The following XKR7 variants were observed in gnomAD, a reference collection of about 807,000 sequenced individuals.
XKR7 encodes XK-related protein 7.
XKR7 carries 11 observed loss-of-function variants against 42.2 expected under a neutral mutation model. That is an observed-to-expected ratio of 0.26 (90% confidence interval 0.16 to 0.43). The LOEUF is 0.43. Ranked by LOEUF, XKR7 falls within the 20% of genes least tolerant of loss-of-function variation. XKR7 has a pLI of 1.00. For missense variants in XKR7, 710 were observed against 802.2 expected (o/e 0.89, Z 1.39); for synonymous variants, 346 against 366.4 (o/e 0.94, Z 0.64).
At position 32,002,380 on chromosome 20, in the gene XKR7, G is replaced by A. The variant is rs1243234366; in HGVS notation, c.*4923G>A. 6.6e-6 allele frequency: 1 copy of A among 152,070 alleles called. No homozygotes were observed. Among genetic ancestry groups the A allele is most frequent in the Non-Finnish European group, 1.5e-5 (1 of 68,024 alleles). 9.4% of individuals were successfully genotyped at this position (152,070 alleles called of 1,614,324 possible). On this transcript the variant is annotated 3_prime_UTR_variant, in exon 3 of 3. Coordinates refer to ENST00000562532, the MANE Select transcript of XKR7 (RefSeq NM_001011718.2). ...TGGAGGGTATCCTGGGACAAAGAGG[G>A]GGTACAGAAGGTGCCAGGGGGGAAA...
chr20:31,989,547 C>A (rs1029197272), intron 1 of XKR7, among the ~76,000 whole-genome samples: 1 of 152,120 alleles, frequency 6.6e-6, no homozygotes, highest in Non-Finnish European at 1.5e-5. Context: ...AGAAGGCTGA[C>A]GTGGTCACCC....
At position 31,997,158 on chromosome 20, in the gene XKR7, G is replaced by T; in HGVS notation, c.1441G>T (p.Gly481Cys). ...SPPRSLPRTT[G>C]AERDGASAGE... ...CCCCAGGTCCCTGCCAAGGACTACA[G>T]GTGCTGAGCGGGATGGGGCCTCGGC... Residue 481 changes from glycine (G) to cysteine (C), a missense_variant, in exon 3 of 3, where the codon GGT (glycine) becomes TGT (cysteine). Transcript: ENST00000562532. 2 of 1,611,336 alleles carry T rather than the reference G, an allele frequency of 1.2e-6. No individual in the cohort carries two copies. Among genetic ancestry groups the T allele is most frequent in the Non-Finnish European group, 8.5e-7 (1 of 1,180,014 alleles).
intron 1 of XKR7, among the ~76,000 whole-genome samples, chr20:31,981,201 C>CAAA (rs113760677): frequency 1.6e-5 from 2 of 122,222 alleles, no homozygotes; most frequent in African/African-American, 5.8e-5. Flanking sequence ...CCTGTCTCTA[C>CAAA]AAAAAAAAAA....
At chr20:31,992,719 G>A (rs920338142) in intron 1 of XKR7, among the ~76,000 whole-genome samples, 1 of 152,180 alleles carries the variant, frequency 6.6e-6, no homozygotes, top group Non-Finnish European at 1.5e-5. Context: ...GGGATGGGGA[G>A]GAGGGTCCTA....
chr20:31,989,866 G>A (rs996241869), intron 1 of XKR7, among the ~76,000 whole-genome samples: 3 of 152,166 alleles, frequency 2.0e-5, no homozygotes, highest in Non-Finnish European at 4.4e-5. Flanking sequence ...TCCCGCCTTG[G>A]CCTCCCAAAA....
At position 31,974,173 on chromosome 20, in the gene XKR7, A is replaced by T. The variant is rs965281755; in HGVS notation, c.584+5414A>T. On this transcript the variant is annotated intron_variant, in intron 1 of 2. Transcript: ENST00000562532. ...GAGCCACTGCACTCCAGCCTGGGTG[A>T]CAGAGCAAGACTCCATCTCAAGAGA... Among the ~76,000 whole-genome samples the T allele has an allele frequency of 2.0e-5, 3 of 152,128 alleles. No homozygotes were observed. In the East Asian group the frequency reaches 5.8e-4, roughly 29 times the overall value.
rs1422450622 is a variant in XKR7 at position 31,994,971 on chromosome 20, G to A, written c.585-97G>A. ...TGAGGAAACAGGCTCAGCGTAGGGAGTGACTTGCCCCCTGCGCCTGTGGGC... is the reference window on the plus strand; with the variant it reads ...TGAGGAAACAGGCTCAGCGTAGGGAATGACTTGCCCCCTGCGCCTGTGGGC... On this transcript the variant is annotated intron_variant, in intron 1 of 2. Transcript: ENST00000562532. 4.0e-6 allele frequency: 6 copies of A among 1,503,692 alleles called. No individual in the cohort carries two copies. The Admixed American group carries it at 1.5e-4, about 37-fold the overall frequency. The allele number at this position is 1,503,692 out of a possible 1,614,324, so 93.1% of individuals were successfully genotyped here.
At position 31,997,110 on chromosome 20, in the gene XKR7, C is replaced by T; in HGVS notation, c.1393C>T (p.Pro465Ser). The T allele has an allele frequency of 6.2e-7, 1 of 1,613,164 alleles. No homozygotes were observed. ...TAAGGCCTCAGAGCCCTGTGGCCCACCCGCTGACGCCATCACGAGTCCCCC... is the reference window on the plus strand; with the variant it reads ...TAAGGCCTCAGAGCCCTGTGGCCCATCCGCTGACGCCATCACGAGTCCCCC... ...FRKASEPCGP[P>S]ADAITSPPRS... is the part of the protein sequence containing the mutation. The change falls in exon 3 of 3, where the codon CCC (proline) becomes TCC (serine). Residue 465 changes from proline to serine, a missense_variant. This residue lies in a region of XKR7 where 708 missense variants were observed against 786.2 expected (regional missense o/e 0.90). Transcript: ENST00000562532.
intron 1 of XKR7, among the ~76,000 whole-genome samples, chr20:31,985,863 G>C (rs1007176991): frequency 7.7e-6 from 1 of 130,670 alleles, no homozygotes; most frequent in Non-Finnish European, 1.6e-5. Flanking sequence ...AGCGGACCCA[G>C]CATCCAGACA....
rs1167475578 is a variant in XKR7 at position 31,975,729 on chromosome 20, C to G, written c.584+6970C>G. On this transcript the variant is annotated intron_variant, in intron 1 of 2. Transcript: ENST00000562532. ...TCTCTTGGGGCGGGAGGGGTGGGGT[C>G]AGGGGAGATTTCCACTTATTAAGTA... 2.6e-5 allele frequency among the ~76,000 whole-genome samples: 4 copies of G among 152,102 alleles called. No homozygotes were observed. The East Asian group carries it at 7.7e-4, about 29-fold the overall frequency.
At position 31,998,854 on chromosome 20, in the gene XKR7, C is replaced by T. The variant is rs1446385711; in HGVS notation, c.*1397C>T. Reference sequence around the variant, plus strand: ...CCTTAGATCTGATGACTCCCCAGGACCTGTGGTCTATTCCCATGGCCTGAA... The same window carrying T: ...CCTTAGATCTGATGACTCCCCAGGATCTGTGGTCTATTCCCATGGCCTGAA... On this transcript the variant is annotated 3_prime_UTR_variant, in exon 3 of 3. Coordinates refer to ENST00000562532, the MANE Select transcript of XKR7 (RefSeq NM_001011718.2). 6.6e-6 allele frequency: 1 copy of T among 152,240 alleles called. No individual in the cohort carries two copies. The highest frequency in any genetic ancestry group is 1.5e-5 in the Non-Finnish European group (1 of 68,052). 9.4% of individuals were successfully genotyped at this position (152,240 alleles called of 1,614,324 possible). A position where few individuals can be genotyped will look rare whatever the true frequency, so the allele number is the denominator to read the frequency against.
chr20:31,996,528 G>T lies in XKR7; in HGVS notation c.811G>T (p.Val271Leu), dbSNP rs759124046. Residue 271 changes from valine to leucine, a missense_variant, in exon 3 of 3, where the codon GTG becomes TTG. Physicochemically the swap from Val to Leu is conservative, Grantham distance 32 (BLOSUM62 1). Coordinates refer to ENST00000562532, the MANE Select transcript of XKR7 (RefSeq NM_001011718.2). ...AGCCCTCTCCACCTCCGCCTCCCTC[G>T]TGTCTCTGGCCTGGACGCTGGCCTC... ...LPALSTSASL[V>L]SLAWTLASYQ... The T allele has an allele frequency of 4.4e-6, 5 of 1,147,086 alleles. No homozygotes were observed. Among genetic ancestry groups the T allele is most frequent in the Admixed American group, 4.1e-5 (1 of 24,232 alleles). 71.1% of individuals were successfully genotyped at this position (1,147,086 alleles called of 1,614,324 possible). A position where few individuals can be genotyped will look rare whatever the true frequency, so the allele number is the denominator to read the frequency against.
intron 1 of XKR7, among the ~76,000 whole-genome samples, chr20:31,969,751 T>C (rs1361416419): frequency 2.0e-5 from 3 of 152,214 alleles, no homozygotes; most frequent in African/African-American, 7.2e-5. Flanking sequence ...ATTGCATTAT[T>C]CTTACCTGTT....
chr20:31,980,155 G>T (rs1021740190), intron 1 of XKR7, among the ~76,000 whole-genome samples: 24 of 150,896 alleles, frequency 1.6e-4, no homozygotes, highest in Non-Finnish European at 3.1e-4. Context: ...AAAAAAAGAG[G>T]TGCTGTGACT....
At chr20:31,983,817 G>A (rs1235750727) in intron 1 of XKR7, among the ~76,000 whole-genome samples, 1 of 152,036 alleles carries the variant, frequency 6.6e-6, no homozygotes, top group East Asian at 1.9e-4. Context: ...CATGGTGGCA[G>A]GCACTTGTAA....
chr20:31,990,397 C>G (rs2122274679), intron 1 of XKR7, among the ~76,000 whole-genome samples: 1 of 152,292 alleles, frequency 6.6e-6, no homozygotes, highest in South Asian at 2.1e-4. Flanking sequence ...AGAGACTACC[C>G]AAGGTCACAC....
chr20:31,973,933 G>A (rs559749861), intron 1 of XKR7, among the ~76,000 whole-genome samples: 52 of 152,228 alleles, frequency 3.4e-4, no homozygotes, highest in African/African-American at 1.2e-3. Flanking sequence ...AGTGGCTCAC[G>A]CTTGTAATCC....
chr20:31,979,807 A>C (rs1276564890), intron 1 of XKR7, among the ~76,000 whole-genome samples: 1 of 152,120 alleles, frequency 6.6e-6, no homozygotes, highest in Admixed American at 6.5e-5. Flanking sequence ...TGAGGATATC[A>C]AGCAAAGAGA....
At chr20:31,972,650 G>C (rs2064470052) in intron 1 of XKR7, among the ~76,000 whole-genome samples, 1 of 152,178 alleles carries the variant, frequency 6.6e-6, no homozygotes, top group Non-Finnish European at 1.5e-5. Context: ...ACCCAGATAA[G>C]CATGGTTTGC....
Sources: allele counts gnomAD v4.1 joint callset (sites outside exome capture counted in the v4.1 genomes callset), GRCh38; gene constraint gnomAD v4.1.1; regional missense constraint gnomAD v4.1.1; transcripts MANE v1.5; gene names NCBI Gene and HGNC (gene_info 2026-07-23, HGNC 2026-07-21).